ZMYM2: variants seen among roughly 807,000 people sequenced by gnomAD.
ZMYM2 encodes the protein zinc finger MYM-type protein 2.
A neutral mutation model predicts 162.8 loss-of-function variants in ZMYM2; 56 were observed. That is an observed-to-expected ratio of 0.34 (90% CI 0.28 to 0.43). The LOEUF (loss-of-function observed/expected upper bound fraction) is 0.43, where lower values mean the gene tolerates loss of function less well. Among genes scored for constraint, ZMYM2 ranks in the 20% least tolerant of loss-of-function variants. The pLI is 1.00. For synonymous variants in ZMYM2, 510 were observed against 541.6 expected, an observed-to-expected ratio of 0.94 and a Z score of 0.81; for missense variants, 1,275 against 1,621.8, an observed-to-expected ratio of 0.79 and a Z score of 3.67.
At chr13:20,053,614 T>C (rs1033257353) in intron 14 of ZMYM2, among the ~76,000 whole-genome samples, 4 of 152,186 alleles carry the variant, frequency 2.6e-5, no homozygotes, top group African/African-American at 9.7e-5. Flanking sequence ...ATCGCGCCAC[T>C]GCACTCCAGC....
the ZMYM2 span, among the ~76,000 whole-genome samples, chr13:19,920,418 A>G: frequency 0.36 from 54,021 of 151,768 alleles, 10,851 homozygotes; most frequent in East Asian, 0.57. Flanking sequence ...GATTGGTGCT[A>G]TTTCTTCAAG....
chr13:20,073,568 T>G (rs1957248542), intron 21 of ZMYM2, among the ~76,000 whole-genome samples: 2 of 152,202 alleles, frequency 1.3e-5, no homozygotes, highest in Admixed American at 1.3e-4. Flanking sequence ...CTTAGATAAT[T>G]GATTTTAGTG....
intron 2 of ZMYM2, among the ~76,000 whole-genome samples, chr13:19,974,612 C>G (rs556362892): frequency 1.3e-5 from 2 of 151,982 alleles, no homozygotes; most frequent in Admixed American, 1.3e-4. Flanking sequence ...GCTAGGATTA[C>G]AGGCACCCGC....
At chr13:20,030,015 G>A (rs1046671921) in intron 9 of ZMYM2, among the ~76,000 whole-genome samples, 10 of 151,726 alleles carry the variant, frequency 6.6e-5, no homozygotes, top group East Asian at 5.8e-4. Flanking sequence ...GGCTGGTCTC[G>A]AACTCCTGAC....
the ZMYM2 span, among the ~76,000 whole-genome samples, chr13:19,921,997 T>C: frequency 1.3e-5 from 2 of 152,202 alleles, no homozygotes; most frequent in South Asian, 4.2e-4. Flanking sequence ...TACTGCAACC[T>C]CTGCCTCCCG....
At chr13:19,998,075 A>G (rs1452521176) in intron 3 of ZMYM2, among the ~76,000 whole-genome samples, 1 of 152,214 alleles carries the variant, frequency 6.6e-6, no homozygotes, top group Non-Finnish European at 1.5e-5. Flanking sequence ...CTGTACACAA[A>G]GAGACATATG....
chr13:20,011,294 GT>G (rs570089220), intron 6 of ZMYM2, among the ~76,000 whole-genome samples: 317 of 152,166 alleles, frequency 2.1e-3, no homozygotes, highest in African/African-American at 7.5e-3. Context: ...GACCCAAAGT[GT>G]TTCAGATTTT....
At chr13:19,962,961 C>T (rs1955410886) in intron 2 of ZMYM2, among the ~76,000 whole-genome samples, 1 of 151,846 alleles carries the variant, frequency 6.6e-6, no homozygotes, top group African/African-American at 2.4e-5. Context: ...GCTGGGACTA[C>T]AGGCACGTGC....
At chr13:19,991,904 C>A (rs1309613587) in intron 2 of ZMYM2, among the ~76,000 whole-genome samples, 1 of 152,112 alleles carries the variant, frequency 6.6e-6, no homozygotes, top group African/African-American at 2.4e-5. Flanking sequence ...GTCACACTGC[C>A]TTCTCTTTTA....
the ZMYM2 span, among the ~76,000 whole-genome samples, chr13:19,926,042 C>A: frequency 9.2e-5 from 14 of 151,416 alleles, no homozygotes; most frequent in African/African-American, 3.1e-4. Flanking sequence ...CTCACCACAA[C>A]CTCGGCCTCC....
In ZMYM2 at chr13:20,051,433, G is replaced by A; in HGVS notation, c.2293G>A (p.Ala765Thr). The A allele has an allele frequency of 6.2e-7, 1 of 1,608,440 alleles. No individual in the cohort carries two copies. The highest frequency in any genetic ancestry group is 1.1e-5 in the South Asian group (1 of 89,918). Residue 765 changes from alanine to threonine, a missense_variant and splice_region_variant, in exon 13 of 25, where the codon GCT (alanine) becomes ACT (threonine). Physicochemically the swap from Ala to Thr is moderately conservative, Grantham distance 58. Transcript: ENST00000610343. ...CKKFQDWYYKAARCDCCKSQG... is the reference protein window; with the variant it reads ...CKKFQDWYYKTARCDCCKSQG... ...CTGAAACCTTCCTTTTTAAATTAAG[G>A]CTGCAAGGTGTGACTGTTGTAAATC...
At chr13:20,024,951 A>G (rs898159830) in intron 7 of ZMYM2, 8 of 215,308 alleles carry the variant, frequency 3.7e-5, no homozygotes, top group Non-Finnish European at 6.5e-5. Flanking sequence ...ATGATAATGA[A>G]CATGCATTCC....
intron 21 of ZMYM2, among the ~76,000 whole-genome samples, chr13:20,079,234 G>A (rs763261313): frequency 7.8e-5 from 11 of 141,698 alleles, no homozygotes; most frequent in Non-Finnish European, 1.4e-4. Flanking sequence ...CAGGAGAATC[G>A]CTTGAACCCT....
At chr13:19,908,282 T>C in the ZMYM2 span, among the ~76,000 whole-genome samples, 7 of 152,068 alleles carry the variant, frequency 4.6e-5, no homozygotes, top group Admixed American at 4.6e-4. Context: ...AGTGAGATTC[T>C]GTCTCAAACA....
chr13:19,941,163 G>T, the ZMYM2 span, among the ~76,000 whole-genome samples: 2 of 152,022 alleles, frequency 1.3e-5, no homozygotes, highest in Non-Finnish European at 2.9e-5. Context: ...ACAAAAATTA[G>T]CTGGGTGTTG....
chr13:19,901,973 G>C, the ZMYM2 span, among the ~76,000 whole-genome samples: 1 of 152,124 alleles, frequency 6.6e-6, no homozygotes, highest in South Asian at 2.1e-4. Flanking sequence ...AAATTTTTTA[G>C]ATAGAGGGTC....
At chr13:20,052,993 C>T (rs1400425745) in intron 14 of ZMYM2, among the ~76,000 whole-genome samples, 2 of 151,948 alleles carry the variant, frequency 1.3e-5, no homozygotes, top group African/African-American at 4.8e-5. Context: ...TTTTTTCCTC[C>T]AATTTATTTT....
the ZMYM2 span, among the ~76,000 whole-genome samples, chr13:19,877,712 A>G: frequency 7.2e-5 from 11 of 152,320 alleles, no homozygotes; most frequent in Middle Eastern, 6.8e-3. Flanking sequence ...ATGTGGCAGC[A>G]TATGTCCAAA....
the ZMYM2 span, among the ~76,000 whole-genome samples, chr13:19,937,472 T>G: frequency 6.6e-6 from 1 of 150,468 alleles, no homozygotes; most frequent in African/African-American, 2.4e-5. Flanking sequence ...TTTTTTTTTT[T>G]TTTGAGACAG....
Sources: gnomAD v4.1 joint callset for allele counts (sites outside exome capture counted in the v4.1 genomes callset) on GRCh38, gnomAD v4.1.1 for gene constraint, MANE v1.5 for transcripts, NCBI Gene and HGNC (gene_info 2026-07-23, HGNC 2026-07-21) for gene names.